Variants in E2F3 observed in about 807,000 individuals in gnomAD.
E2F3 encodes E2F transcription factor 3.
E2F3 carries 11 observed loss-of-function variants against 44.4 expected under a neutral mutation model. The ratio of observed to expected loss-of-function variants is 0.25; its 90% CI spans 0.16 to 0.41. The LOEUF is 0.41. E2F3 is among the 10% of genes least tolerant of loss of function. E2F3 has a pLI of 1.00. For missense variants in E2F3, 487 were observed against 583.6 expected (o/e 0.83, Z 1.70); for synonymous variants, 249 against 253.0 (o/e 0.98, Z 0.15).
rs1234462794 is a variant in E2F3 at position 20,492,467 on chromosome 6, T to C, written c.*2037T>C. On this transcript the variant is annotated 3_prime_UTR_variant, in exon 7 of 7. Transcript: ENST00000346618. ...CTTTGTGTTAAGTGCCTACTGGAAA[T>C]GCACTGTGGGGTTTTTTCCTGTATG... The C allele has an allele frequency of 4.3e-5, 10 of 233,560 alleles. No homozygotes were observed. Among genetic ancestry groups the C allele is most frequent in the Non-Finnish European group, 8.5e-5 (10 of 117,982 alleles). 14.5% of individuals were successfully genotyped at this position (233,560 alleles called of 1,614,324 possible). A position where few individuals can be genotyped will look rare whatever the true frequency, so the allele number is the denominator to read the frequency against.
chr6:20,430,462 GA>G (rs1760363396), intron 1 of E2F3, among the ~76,000 whole-genome samples: 1 of 152,142 alleles, frequency 6.6e-6, no homozygotes, highest in African/African-American at 2.4e-5. Context: ...TTGCCAAAGA[GA>G]AGGAAATAAA....
At chr6:20,488,291 G>C (rs1469405220) in intron 6 of E2F3, 43 bp downstream of exon 6, 1 of 1,549,376 alleles carries the variant, frequency 6.5e-7, no homozygotes, top group Non-Finnish European at 8.7e-7. Context: ...TGTTAAAAAT[G>C]AGGGTGACTA....
At chr6:20,482,590 GAAAA>G (rs372496935) in intron 3 of E2F3, among the ~76,000 whole-genome samples, 168 bp from the exon 4 acceptor site, 1 of 135,614 alleles carries the variant, frequency 7.4e-6, no homozygotes, top group Admixed American at 7.7e-5. Flanking sequence ...CTGTATTTAT[GAAAA>G]AAAAAATATA....
chr6:20,457,893 T>A (rs998696171), intron 1 of E2F3, among the ~76,000 whole-genome samples: 1 of 152,232 alleles, frequency 6.6e-6, no homozygotes, highest in Non-Finnish European at 1.5e-5. Flanking sequence ...TTTCTTAGTA[T>A]AATTTTCATT....
chr6:20,486,882 T>TA (rs1762410599), intron 5 of E2F3, 79 bp downstream of exon 5: 1 of 902,914 alleles, frequency 1.1e-6, no homozygotes, highest in Non-Finnish European at 1.7e-6. Flanking sequence ...GACTCATAGT[T>TA]AAAGTCTGTC....
intron 1 of E2F3, among the ~76,000 whole-genome samples, chr6:20,436,478 C>CAG (rs1253677474): frequency 2.9e-4 from 37 of 125,458 alleles, no homozygotes; most frequent in South Asian, 9.7e-4. Flanking sequence ...CACACACACA[C>CAG]AGAGAGAGAG....
intron 1 of E2F3, among the ~76,000 whole-genome samples, chr6:20,451,509 G>A (rs1761130847): frequency 6.6e-6 from 1 of 152,178 alleles, no homozygotes; most frequent in Non-Finnish European, 1.5e-5. Context: ...TGCAAACAGA[G>A]GGTAGTTTGA....
chr6:20,484,858 C>T lies in E2F3; in HGVS notation c.885-1831C>T, dbSNP rs7763269. Among the ~76,000 whole-genome samples the T allele has an allele frequency of 4.5e-3, 673 of 150,718 alleles. 9 individuals carry two copies. Among genetic ancestry groups the T allele is most frequent in the African/African-American group, 0.014 (561 of 40,914 alleles). ...ATCCCAGCTACTCGGGAGGCTGAGGCAGGAGAATCACTTGAACCTGGGAGA... is the reference window on the plus strand; with the variant it reads ...ATCCCAGCTACTCGGGAGGCTGAGGTAGGAGAATCACTTGAACCTGGGAGA... On this transcript the variant is annotated intron_variant, in intron 4 of 6. Coordinates refer to ENST00000346618, the MANE Select transcript of E2F3 (RefSeq NM_001949.5).
intron 1 of E2F3, among the ~76,000 whole-genome samples, chr6:20,416,903 C>T (rs1243347203): frequency 1.3e-5 from 2 of 152,140 alleles, no homozygotes; most frequent in African/African-American, 2.4e-5. Context: ...GGCCACCCCT[C>T]CTTTAAATGG....
intron 1 of E2F3, chr6:20,403,682 G>A (rs1015215610): frequency 1.2e-5 from 5 of 432,990 alleles, no homozygotes; most frequent in South Asian, 1.1e-4. Flanking sequence ...CCCCGGCACC[G>A]CCACCCTCCC....
intron 1 of E2F3, among the ~76,000 whole-genome samples, chr6:20,466,915 C>T (rs918822294): frequency 3.3e-5 from 5 of 152,208 alleles, no homozygotes; most frequent in South Asian, 2.1e-4. Context: ...CTCCTGACCT[C>T]GTGACCCACC....
Position 20,431,845 on chromosome 6 carries a change from G to A in E2F3, c.393+29220G>A, listed in dbSNP as rs1464547227. Among the ~76,000 whole-genome samples, 3 of 152,196 alleles carry A rather than the reference G, an allele frequency of 2.0e-5. No homozygotes were observed. The East Asian group carries it at 5.8e-4, about 29-fold the overall frequency. On this transcript the variant is annotated intron_variant, in intron 1 of 6. Coordinates refer to ENST00000346618, the MANE Select transcript of E2F3 (RefSeq NM_001949.5). The stretch of plus-strand genomic sequence containing the variant: ...ATAAGAAAGTACCACAGACTGGGTG[G>A]CTTCAACAGCAGAAATCTATTCTCT...
At chr6:20,465,755 C>G (rs1467263507) in intron 1 of E2F3, among the ~76,000 whole-genome samples, 6 of 152,148 alleles carry the variant, frequency 3.9e-5, no homozygotes, top group African/African-American at 1.4e-4. Context: ...CAATCTCATC[C>G]AGGTAGCTGC....
At chr6:20,416,562 C>A (rs1285449204) in intron 1 of E2F3, among the ~76,000 whole-genome samples, 1 of 152,092 alleles carries the variant, frequency 6.6e-6, no homozygotes, top group African/African-American at 2.4e-5. Flanking sequence ...TACTTGGGAA[C>A]TTGTTAGAAA....
chr6:20,441,164 C>G (rs1407994166), intron 1 of E2F3, among the ~76,000 whole-genome samples: 2 of 152,224 alleles, frequency 1.3e-5, no homozygotes, highest in African/African-American at 4.8e-5. Flanking sequence ...TAACTCCCCT[C>G]CCATCCCTCT....
At chr6:20,436,476 CACAGAGAGAGAG>C (rs1581598898) in intron 1 of E2F3, among the ~76,000 whole-genome samples, 4 of 128,804 alleles carry the variant, frequency 3.1e-5, no homozygotes, top group African/African-American at 8.7e-5. Flanking sequence ...CACACACACA[CACAGAGAGAGAG>C]AGAGAGAAAA....
intron 1 of E2F3, among the ~76,000 whole-genome samples, chr6:20,462,709 C>T (rs1761554681): frequency 6.6e-6 from 1 of 151,786 alleles, no homozygotes; most frequent in African/African-American, 2.4e-5. Context: ...CCGCCCACCT[C>T]GGCCTCCCAA....
At chr6:20,426,098 A>G (rs997848092) in intron 1 of E2F3, among the ~76,000 whole-genome samples, 12 of 152,230 alleles carry the variant, frequency 7.9e-5, no homozygotes, top group Non-Finnish European at 1.6e-4. Context: ...TTGCAAATTT[A>G]AATATCTAAT....
intron 1 of E2F3, among the ~76,000 whole-genome samples, chr6:20,429,120 C>T (rs1760313014): frequency 1.3e-5 from 2 of 152,198 alleles, no homozygotes; most frequent in Non-Finnish European, 2.9e-5. Flanking sequence ...CTCCCCACAA[C>T]AAAGAATTAT....
Sources: gnomAD v4.1 joint callset for allele counts (sites outside exome capture counted in the v4.1 genomes callset) on GRCh38, gnomAD v4.1.1 for gene constraint, MANE v1.5 for transcripts, NCBI Gene and HGNC (gene_info 2026-07-23, HGNC 2026-07-21) for gene names.